Variants in CHRM3 observed in about 807,000 individuals in gnomAD.
The protein encoded by CHRM3 is cholinergic receptor muscarinic 3.
A neutral mutation model predicts 41.8 loss-of-function variants in CHRM3; 11 were observed. The ratio of observed to expected loss-of-function variants is 0.26; its 90% CI spans 0.17 to 0.44. The LOEUF is 0.44. CHRM3 is among the 20% of genes least tolerant of loss of function. CHRM3 has a pLI of 1.00. For missense variants in CHRM3, 571 were observed against 745.4 expected (o/e 0.77, Z 2.72); for synonymous variants, 297 against 301.4 (o/e 0.99, Z 0.15).
chr1:239,570,898 A>T (rs1397491447), intron 3 of CHRM3, among the ~76,000 whole-genome samples: 1 of 152,172 alleles, frequency 6.6e-6, no homozygotes, highest in African/African-American at 2.4e-5. Flanking sequence ...TGGCAAACAA[A>T]AACAGCGAGA....
At chr1:239,669,499 TTAATA>T (rs1674150362) in intron 4 of CHRM3, among the ~76,000 whole-genome samples, 3 of 152,216 alleles carry the variant, frequency 2.0e-5, no homozygotes, top group Non-Finnish European at 4.4e-5. Context: ...TCATTATTGT[TTAATA>T]TAAAGAACCA....
At chr1:239,839,664 A>G (rs1209489066) in intron 6 of CHRM3, among the ~76,000 whole-genome samples, 1 of 152,178 alleles carries the variant, frequency 6.6e-6, no homozygotes, top group African/African-American at 2.4e-5. Flanking sequence ...TAAATGTTTT[A>G]AAATATTCAA....
intron 1 of CHRM3, among the ~76,000 whole-genome samples, chr1:239,409,419 C>A (rs1286520889): frequency 6.6e-6 from 1 of 152,118 alleles, no homozygotes; most frequent in Non-Finnish European, 1.5e-5. Context: ...AATCTAGGAC[C>A]ACCTAATCCT....
At chr1:239,810,848 C>T (rs1322866503) in intron 5 of CHRM3, among the ~76,000 whole-genome samples, 1 of 152,132 alleles carries the variant, frequency 6.6e-6, no homozygotes, top group Non-Finnish European at 1.5e-5. Flanking sequence ...TGTGTTGTGC[C>T]CTGGTAACAT....
intron 6 of CHRM3, among the ~76,000 whole-genome samples, chr1:239,861,341 A>G (rs1480139427): frequency 6.6e-6 from 1 of 152,158 alleles, no homozygotes; most frequent in Non-Finnish European, 1.5e-5. Flanking sequence ...GGTTTTTCTA[A>G]GAAGTGATGA....
chr1:239,660,948 A>T (rs12093821), intron 4 of CHRM3, among the ~76,000 whole-genome samples: 1 of 151,898 alleles, frequency 6.6e-6, no homozygotes, highest in East Asian at 1.9e-4. Flanking sequence ...TCCAAGCTCT[A>T]TGTGTGCATT....
intron 1 of CHRM3, among the ~76,000 whole-genome samples, chr1:239,484,954 C>G (rs1295567140): frequency 6.6e-6 from 1 of 152,156 alleles, no homozygotes. Flanking sequence ...CCAGTTCATA[C>G]ATTTTTATGA....
chr1:239,838,542 T>C (rs989232960), intron 6 of CHRM3, among the ~76,000 whole-genome samples: 4 of 152,220 alleles, frequency 2.6e-5, no homozygotes, highest in Admixed American at 6.5e-5. Context: ...ATATTTTGTG[T>C]GCAAATGATC....
intron 5 of CHRM3, among the ~76,000 whole-genome samples, chr1:239,716,421 G>A (rs972477072): frequency 1.2e-4 from 18 of 152,032 alleles, no homozygotes; most frequent in African/African-American, 4.3e-4. Flanking sequence ...GTGAATAATA[G>A]GGAGCTATAA....
At chr1:239,741,672 C>T (rs1664860179) in intron 5 of CHRM3, among the ~76,000 whole-genome samples, 1 of 132,690 alleles carries the variant, frequency 7.5e-6, no homozygotes, top group African/African-American at 2.7e-5. Context: ...TGAATTCAAT[C>T]AGCTAAAGCC....
rs151061323 is a variant in CHRM3, at chr1:239,508,677, G to A, written c.-422+15870G>A. Among the ~76,000 whole-genome samples the A allele has an allele frequency of 4.8e-4, 73 of 152,200 alleles. 1 individual carries two copies. The East Asian group carries it at 0.013, about 27-fold the overall frequency. The stretch of plus-strand genomic sequence containing the variant: ...GAAATCAGCCCTAGAGCTTATTAGC[G>A]AAGTGCTTTTGACATGGTGGGTGTT... On this transcript the variant is annotated intron_variant, in intron 2 of 6. Transcript: ENST00000676153.
chr1:239,441,284 AAC>A (rs1365989947), intron 1 of CHRM3, among the ~76,000 whole-genome samples: 1 of 152,200 alleles, frequency 6.6e-6, no homozygotes, highest in Non-Finnish European at 1.5e-5. Context: ...GGCAAACAAT[AAC>A]ACAGTCATTA....
chr1:239,555,443 G>A (rs905459394), intron 3 of CHRM3, among the ~76,000 whole-genome samples: 1 of 152,136 alleles, frequency 6.6e-6, no homozygotes, highest in Non-Finnish European at 1.5e-5. Context: ...GTAGAAGGTG[G>A]GACTCTGCTT....
At chr1:239,688,619 C>T (rs1412521028) in intron 5 of CHRM3, among the ~76,000 whole-genome samples, 2 of 129,088 alleles carry the variant, frequency 1.5e-5, no homozygotes, top group Non-Finnish European at 3.1e-5. Context: ...TAATATATTA[C>T]TCAGTATAAT....
chr1:239,501,667 A>G (rs547303936), intron 2 of CHRM3, among the ~76,000 whole-genome samples: 114 of 152,232 alleles, frequency 7.5e-4, no homozygotes, highest in Non-Finnish European at 1.5e-3. Flanking sequence ...CATTCTGGCT[A>G]ACACAGTGAA....
intron 1 of CHRM3, among the ~76,000 whole-genome samples, chr1:239,440,278 G>A (rs1015388914): frequency 6.6e-6 from 1 of 150,758 alleles, no homozygotes; most frequent in Non-Finnish European, 1.5e-5. Context: ...AAGCCAAACT[G>A]TAGAAGGTGG....
intron 3 of CHRM3, among the ~76,000 whole-genome samples, chr1:239,612,540 G>T (rs1007449288): frequency 6.6e-6 from 1 of 152,108 alleles, no homozygotes; most frequent in African/African-American, 2.4e-5. Context: ...ATAGACACCG[G>T]CCTGTTCTCA....
intron 6 of CHRM3, among the ~76,000 whole-genome samples, chr1:239,906,887 C>T (rs6701181): frequency 0.51 from 77,820 of 151,888 alleles, 20,805 homozygotes; most frequent in African/African-American, 0.67. Context: ...CTCAAAGAGG[C>T]AATATAGTGT....
chr1:239,759,182 G>GTTTTTTTTTTT (rs1346616146), intron 5 of CHRM3, among the ~76,000 whole-genome samples: 3 of 42,920 alleles, frequency 7.0e-5, no homozygotes, highest in Admixed American at 2.8e-4. Context: ...TTTTTTTTTT[G>GTTTTTTTTTTT]TTTTTTTTTT....
Sources: allele counts gnomAD v4.1 joint callset (sites outside exome capture counted in the v4.1 genomes callset), GRCh38; gene constraint gnomAD v4.1.1; transcripts MANE v1.5; gene names NCBI Gene and HGNC (gene_info 2026-07-23, HGNC 2026-07-21).